PODXL: variants seen among roughly 807,000 people sequenced by gnomAD.
PODXL encodes the protein podocalyxin.
Under a neutral mutation model 48.9 loss-of-function variants are expected in PODXL, and 20 were observed. The ratio of observed to expected loss-of-function variants is 0.41; its 90% CI spans 0.29 to 0.59. The LOEUF (loss-of-function observed/expected upper bound fraction) is 0.59. PODXL is among the 20% of genes least tolerant of loss of function. The pLI, the probability that PODXL is intolerant of heterozygous loss-of-function variation, is 0.31. For synonymous variants in PODXL, 295 were observed against 287.4 expected (o/e 1.03, Z -0.27); for missense variants, 606 against 675.1 (o/e 0.90, Z 1.13).
intron 1 of PODXL, among the ~76,000 whole-genome samples, chr7:131,555,998 T>C (rs954607699): frequency 6.6e-6 from 1 of 152,148 alleles, no homozygotes; most frequent in Non-Finnish European, 1.5e-5. Flanking sequence ...GGCGCGCCCC[T>C]GTTTGCCCGG....
intron 5 of PODXL, among the ~76,000 whole-genome samples, chr7:131,508,312 G>GA (rs1356050910): frequency 6.6e-5 from 10 of 152,202 alleles, no homozygotes; most frequent in African/African-American, 2.4e-4. Context: ...GTTAGAGGGA[G>GA]AATCTCCCAG....
chr7:131,504,334 C>T lies in PODXL; in HGVS notation c.1654G>A (p.Glu552Lys). 6.2e-7 allele frequency: 1 copy of T among 1,614,194 alleles called. No homozygotes were observed. Among genetic ancestry groups the T allele is most frequent in the Non-Finnish European group, 8.5e-7 (1 of 1,180,030 alleles). Residue 552 changes from glutamate (E) to lysine (K), a missense_variant, in exon 9 of 9, where the codon GAG becomes AAG. Coordinates refer to ENST00000378555, the MANE Select transcript of PODXL (RefSeq NM_001018111.3). Reference sequence around the variant, plus strand: ...GACTAGAGGTGTGTGTCTTCCTCCTCATCCAGGTCGTCCTTGGTCAGGTTG... The same window carrying T: ...GACTAGAGGTGTGTGTCTTCCTCCTTATCCAGGTCGTCCTTGGTCAGGTTG... Reference protein sequence around the residue: ...LDNLTKDDLDEEEDTHL With the variant: ...LDNLTKDDLDKEEDTHL
At chr7:131,548,400 TTC>T (rs1185109128) in intron 1 of PODXL, among the ~76,000 whole-genome samples, 3 of 152,254 alleles carry the variant, frequency 2.0e-5, no homozygotes, top group Admixed American at 1.3e-4. Context: ...CTTCCCTAAG[TTC>T]TCTTTCCTGC....
intron 1 of PODXL, among the ~76,000 whole-genome samples, chr7:131,549,800 C>T (rs914416712): frequency 6.6e-6 from 1 of 152,172 alleles, no homozygotes; most frequent in African/African-American, 2.4e-5. Flanking sequence ...GAGGTGCCAC[C>T]CTACACCCTG....
rs77580680 is a variant in PODXL, at chr7:131,506,254, G to A, written c.1311+6C>T. On this transcript the variant is annotated splice_donor_region_variant and intron_variant, in intron 7 of 8. Coordinates refer to ENST00000378555, the MANE Select transcript of PODXL (RefSeq NM_001018111.3). ...ACTCTGTCCCCACACTTGGGGGGCC[G>A]CTTACCTCCTTTAGTTCATCCCATT... The A allele has an allele frequency of 0.08, 129,214 of 1,613,282 alleles. 5,975 individuals carry two copies. The highest frequency in any genetic ancestry group is 0.09 in the Non-Finnish European group (105,842 of 1,179,200).
chr7:131,527,211 G>A (rs1278206744), intron 1 of PODXL, among the ~76,000 whole-genome samples: 2 of 152,140 alleles, frequency 1.3e-5, no homozygotes, highest in Admixed American at 1.3e-4. Flanking sequence ...ACAGTAGTAT[G>A]GATAAATAAA....
At chr7:131,548,816 GCCCATATGCC>G (rs1210450374) in intron 1 of PODXL, among the ~76,000 whole-genome samples, 1 of 93,186 alleles carries the variant, frequency 1.1e-5, no homozygotes, top group Non-Finnish European at 2.8e-5. Context: ...GCTCCTTCCT[GCCCATATGCC>G]CCCAGGACCT....
At chr7:131,526,737 C>CTATTTT (rs1381466751) in intron 1 of PODXL, among the ~76,000 whole-genome samples, 1 of 27,134 alleles carries the variant, frequency 3.7e-5, no homozygotes, top group Non-Finnish European at 6.4e-5. Context: ...AACTTCCTTA[C>CTATTTT]TCTTTTTTTT....
chr7:131,555,697 C>T (rs1035568311), intron 1 of PODXL, among the ~76,000 whole-genome samples: 1 of 152,184 alleles, frequency 6.6e-6, no homozygotes, highest in African/African-American at 2.4e-5. Flanking sequence ...TGTACCTGCC[C>T]CAGCACGGGC....
At chr7:131,522,189 G>A (rs1427732837) in intron 1 of PODXL, among the ~76,000 whole-genome samples, 6 of 152,176 alleles carry the variant, frequency 3.9e-5, no homozygotes, top group Admixed American at 1.3e-4. Flanking sequence ...AGTGGCTCAC[G>A]CCTGTAATCC....
intron 1 of PODXL, among the ~76,000 whole-genome samples, chr7:131,517,596 G>A (rs139344517): frequency 1.3e-4 from 20 of 152,162 alleles, no homozygotes; most frequent in African/African-American, 3.1e-4. Flanking sequence ...GAGGCTAGAC[G>A]TCCAAAATTG....
In PODXL at chr7:131,556,249, C is replaced by T. The variant is rs750426991; in HGVS notation, c.100+11G>A. On this transcript the variant is annotated intron_variant, in intron 1 of 8. Coordinates refer to ENST00000378555, the MANE Select transcript of PODXL (RefSeq NM_001018111.3). ...GTGGGAGTCCCGGCGGAACCCAGGC[C>T]GGCCACTCACCATTCTGGGAGGGCG... is the stretch of plus-strand genomic sequence containing the variant. The T allele has an allele frequency of 2.3e-5, 34 of 1,472,230 alleles. No homozygotes were observed. The highest frequency in any genetic ancestry group is 3.0e-5 in the Non-Finnish European group (33 of 1,114,478). 91.2% of individuals were successfully genotyped at this position (1,472,230 alleles called of 1,614,324 possible).
chr7:131,514,090 G>C (rs1292126795), intron 1 of PODXL, among the ~76,000 whole-genome samples: 1 of 152,190 alleles, frequency 6.6e-6, no homozygotes, highest in Non-Finnish European at 1.5e-5. Flanking sequence ...GCTGCTGCCA[G>C]AGTATGAAAG....
chr7:131,556,281 ACGGC>A lies in PODXL; in HGVS notation c.75_78del (p.Pro26ArgfsTer140). On this transcript the variant is annotated frameshift_variant, in exon 1 of 9. Coordinates refer to ENST00000378555, the MANE Select transcript of PODXL (RefSeq NM_001018111.3). LOFTEE classifies it high-confidence loss of function. Reference sequence around the variant, plus strand: ...TCACCATTCTGGGAGGGCGACGGCGACGGCGACGGCGACGACGGCAGCAGCGGCG... The same window carrying A: ...TCACCATTCTGGGAGGGCGACGGCGAGACGGCGACGACGGCAGCAGCGGCG... 6.8e-7 allele frequency: 1 copy of A among 1,461,412 alleles called. No individual in the cohort carries two copies. The highest frequency in any genetic ancestry group is 2.4e-5 in the Admixed American group (1 of 41,402). 90.5% of individuals were successfully genotyped at this position (1,461,412 alleles called of 1,614,324 possible).
chr7:131,530,056 CTCT>C (rs1562911822), intron 1 of PODXL, among the ~76,000 whole-genome samples: 1 of 151,738 alleles, frequency 6.6e-6, no homozygotes. Flanking sequence ...CTCCACAAGC[CTCT>C]TCTTTCCAGG....
At chr7:131,504,631 G>A in intron 8 of PODXL, 123 bp from the exon 9 acceptor site, 1 of 776,230 alleles carries the variant, frequency 1.3e-6, no homozygotes, top group Non-Finnish European at 2.1e-6. Flanking sequence ...CTCATTGCTC[G>A]CCTGTGGGGC....
At chr7:131,544,549 T>C (rs111846205) in intron 1 of PODXL, among the ~76,000 whole-genome samples, 7,518 of 152,174 alleles carry the variant, frequency 0.049, 255 homozygotes, top group Middle Eastern at 0.095. Flanking sequence ...GAAGCAACTT[T>C]TTGGGCGGTG....
At chr7:131,549,072 G>GACAA (rs953613860) in intron 1 of PODXL, among the ~76,000 whole-genome samples, 8 of 152,198 alleles carry the variant, frequency 5.3e-5, no homozygotes, top group African/African-American at 1.7e-4. Flanking sequence ...GGAAGAGACA[G>GACAA]ACAAACAAAC....
chr7:131,545,098 C>T (rs756056762), intron 1 of PODXL, among the ~76,000 whole-genome samples: 1 of 152,216 alleles, frequency 6.6e-6, no homozygotes, highest in Non-Finnish European at 1.5e-5. Flanking sequence ...GAGCCAGCCA[C>T]AGGCAACCGG....
Sources: allele counts gnomAD v4.1 joint callset (sites outside exome capture counted in the v4.1 genomes callset), GRCh38; gene constraint gnomAD v4.1.1; transcripts MANE v1.5; gene names NCBI Gene and HGNC (gene_info 2026-07-23, HGNC 2026-07-21).